Variants in ATP13A3 observed in about 807,000 individuals in gnomAD.
The protein encoded by ATP13A3 is polyamine-transporting ATPase 13A3.
Under a neutral mutation model 158.1 loss-of-function variants are expected in ATP13A3, and 59 were observed. The observed-to-expected ratio is 0.37, with a 90% confidence interval of 0.30 to 0.46. The LOEUF (loss-of-function observed/expected upper bound fraction) is 0.46. Among genes scored for constraint, ATP13A3 ranks in the 20% least tolerant of loss-of-function variants. ATP13A3 has a pLI of 1.00. For synonymous variants in ATP13A3, 491 were observed against 504.3 expected (o/e 0.97, Z 0.35); for missense variants, 1,166 against 1,525.2 (o/e 0.76, Z 3.92).
chr3:194,422,324 T>C (rs771810986), intron 30 of ATP13A3, among the ~76,000 whole-genome samples: 2 of 152,214 alleles, frequency 1.3e-5, no homozygotes, highest in Non-Finnish European at 2.9e-5. Context: ...CCTAGCATTA[T>C]AAGCAATGGC....
chr3:194,408,844 G>A (rs543118908), intron 33 of ATP13A3, among the ~76,000 whole-genome samples: 1 of 152,230 alleles, frequency 6.6e-6, no homozygotes, highest in South Asian at 2.1e-4. Flanking sequence ...CACTGGAAGA[G>A]AAAATAAAAG....
chr3:194,464,061 T>G (rs1719839774), intron 2 of ATP13A3, among the ~76,000 whole-genome samples: 1 of 152,152 alleles, frequency 6.6e-6, no homozygotes, highest in Admixed American at 6.5e-5. Flanking sequence ...CTCAGGAGGC[T>G]GAGGTGAGAG....
intron 9 of ATP13A3, 77 bp from the exon 10 acceptor site, chr3:194,453,855 AT>A (rs1719001523): frequency 3.7e-6 from 4 of 1,087,066 alleles, no homozygotes; most frequent in South Asian, 1.4e-5. Flanking sequence ...TGCTAAAAAA[AT>A]AAGTTAATTC....
intron 2 of ATP13A3, among the ~76,000 whole-genome samples, chr3:194,484,759 T>A (rs1287029253): frequency 6.6e-6 from 1 of 152,138 alleles, no homozygotes; most frequent in Non-Finnish European, 1.5e-5. Context: ...CTAAACTAAC[T>A]ATGTAAGTAT....
At chr3:194,471,864 T>A (rs1720321456) in intron 2 of ATP13A3, 1 of 152,140 alleles carries the variant, frequency 6.6e-6, no homozygotes, top group African/African-American at 2.4e-5. Flanking sequence ...TGACTAGCAA[T>A]TTGCAGTATC....
chr3:194,450,090 C>G (rs1364855199), intron 11 of ATP13A3, 55 bp downstream of exon 11: 10 of 1,565,346 alleles, frequency 6.4e-6, no homozygotes, highest in Non-Finnish European at 8.8e-6. Context: ...TACTCACTAA[C>G]TTAGTCATGA....
intron 33 of ATP13A3, 61 bp downstream of exon 33, chr3:194,412,138 A>G: frequency 2.3e-6 from 3 of 1,276,818 alleles, no homozygotes; most frequent in Non-Finnish European, 3.3e-6. Context: ...GAGAATACAG[A>G]GTACACAAGC....
chr3:194,465,352 A>T (rs1455868701), intron 2 of ATP13A3, among the ~76,000 whole-genome samples: 1 of 152,140 alleles, frequency 6.6e-6, no homozygotes, highest in African/African-American at 2.4e-5. Context: ...ACCCACTAAG[A>T]ACACGACTGA....
chr3:194,430,407 G>T, intron 24 of ATP13A3, 92 bp from the exon 25 acceptor site: 1 of 1,330,862 alleles, frequency 7.5e-7, no homozygotes, highest in African/African-American at 1.5e-5. Context: ...GTATTATAAA[G>T]AGCTAACACA....
In ATP13A3 at chr3:194,494,095, C is replaced by A. The variant is rs1316204934; in HGVS notation, n.701G>T. 3.3e-5 allele frequency: 13 copies of A among 398,378 alleles called. No individual in the cohort carries two copies. Among genetic ancestry groups the A allele is most frequent in the Non-Finnish European group, 8.8e-6 (2 of 226,044 alleles). 24.7% of individuals were successfully genotyped at this position (398,378 alleles called of 1,614,324 possible). Reference sequence around the variant, plus strand: ...CAAACCCAGACACTTTGCTCCAGGGCCAAACTCTTGACCACTATAACCAAA... The same window carrying A: ...CAAACCCAGACACTTTGCTCCAGGGACAAACTCTTGACCACTATAACCAAA... On this transcript the variant is annotated non_coding_transcript_exon_variant, in exon 2 of 33. Transcript: ENST00000687055. The surrounding 1 kb of genome is among the most constrained non-coding windows in gnomAD (Gnocchi z 4.2).
At chr3:194,407,531 T>C (rs1052076482) in intron 33 of ATP13A3, among the ~76,000 whole-genome samples, 4 of 152,142 alleles carry the variant, frequency 2.6e-5, no homozygotes, top group Non-Finnish European at 5.9e-5. Flanking sequence ...TACCACTCTC[T>C]CCCTCTCCTC....
At position 194,431,756 on chromosome 3, in the gene ATP13A3, G is replaced by A. The variant is rs1577048612; in HGVS notation, c.2382C>T (p.Ser794=). 9.9e-6 allele frequency: 16 copies of A among 1,610,862 alleles called. No homozygotes were observed. In the East Asian group the frequency reaches 3.4e-4, roughly 34 times the overall value. Residue 794 remains serine (S), a synonymous_variant, in exon 22 of 34, where the codon TCC becomes TCT. Transcript: ENST00000645319. The part of the protein sequence containing the change: ...VAKINWHYAD[S]LTQCSHPSAI... ...CTGATGGATGACTGCACTGCGTGAG[G>A]GAGTCTGCATAATGCCAATTTATTT...
chr3:194,406,114 C>A lies in ATP13A3; in HGVS notation c.3576G>T (p.Glu1192Asp). 2 of 1,613,596 alleles carry A rather than the reference C, an allele frequency of 1.2e-6. No individual in the cohort carries two copies. The highest frequency in any genetic ancestry group is 2.2e-5 in the South Asian group (2 of 90,992). The change falls in exon 34 of 34, where the codon GAG becomes GAT. Residue 1192 changes from glutamate (E) to aspartate (D), a missense_variant and splice_region_variant. Physicochemically the swap from Glu to Asp is conservative, Grantham distance 45. This residue lies in a region of ATP13A3 where 997 missense variants were observed against 1,341.2 expected (regional missense o/e 0.74). Coordinates refer to ENST00000645319, the MANE Select transcript of ATP13A3 (RefSeq NM_001367549.1). ...AGCATTTTCCCCACCGATCCACTGA[C>A]TCCTAAGAAAATAAGAAAAAAACAA... ...YRFSTTQPPQ[E>D]SVDRWGKCCL...
At position 194,494,222 on chromosome 3, in the gene ATP13A3, C is replaced by T. The variant is rs1721179531; in HGVS notation, n.574G>A. 5.0e-6 allele frequency: 2 copies of T among 398,538 alleles called. No homozygotes were observed. The highest frequency in any genetic ancestry group is 4.4e-6 in the Non-Finnish European group (1 of 226,096). The allele number at this position is 398,538 out of a possible 1,614,324, so 24.7% of individuals were successfully genotyped here. ...CCACCTCCTCATGAGCCAGGACCTT[C>T]CTCAGCCACATCTGGATCCTCAGCC... On this transcript the variant is annotated non_coding_transcript_exon_variant, in exon 2 of 33. Coordinates refer to the ATP13A3 transcript ENST00000687055. This position sits in a 1 kb window ranked among gnomAD's most constrained non-coding sequence, Gnocchi z 4.2.
chr3:194,410,325 A>AAAAAC (rs1715302799), intron 33 of ATP13A3, among the ~76,000 whole-genome samples: 8 of 146,648 alleles, frequency 5.5e-5, no homozygotes, highest in South Asian at 2.2e-4. Flanking sequence ...AAAAAAAAAA[A>AAAAAC]AAAAAACTGC....
chr3:194,486,618 G>T lies in ATP13A3; in HGVS notation c.-141C>A, dbSNP rs576253872. The stretch of plus-strand genomic sequence containing the variant: ...CCGCCTCCTCCGCGGCCTCCCTCGC[G>T]GCCGGACCAGCCCCAGGGACCGCGG... On this transcript the variant is annotated 5_prime_UTR_variant, in exon 1 of 34. Coordinates refer to ENST00000645319, the MANE Select transcript of ATP13A3 (RefSeq NM_001367549.1). The T allele has an allele frequency of 6.3e-3, 932 of 148,774 alleles. 2 individuals are homozygous for T. The highest frequency in any genetic ancestry group is 0.031 in the Middle Eastern group (9 of 292). The allele number at this position is 148,774 out of a possible 1,614,324, so 9.2% of individuals were successfully genotyped here.
chr3:194,424,756 T>C (rs1424631583), intron 30 of ATP13A3, among the ~76,000 whole-genome samples: 2 of 152,196 alleles, frequency 1.3e-5, no homozygotes, highest in Non-Finnish European at 2.9e-5. Context: ...TCTATTGCCA[T>C]AGACAAGTCC....
At chr3:194,446,536 G>A (rs932169314) in intron 14 of ATP13A3, among the ~76,000 whole-genome samples, 6 of 151,988 alleles carry the variant, frequency 3.9e-5, no homozygotes, top group African/African-American at 1.5e-4. Flanking sequence ...TACCTTACTT[G>A]TTTTTATTTC....
chr3:194,418,934 CCACT>C (rs1431226696), intron 31 of ATP13A3, among the ~76,000 whole-genome samples: 4 of 152,122 alleles, frequency 2.6e-5, no homozygotes, highest in Admixed American at 2.6e-4. Context: ...CAGCATCGCA[CCACT>C]CTCTCACTGC....
Sources: gnomAD v4.1 joint callset for allele counts (sites outside exome capture counted in the v4.1 genomes callset) on GRCh38, gnomAD v4.1.1 for gene constraint, gnomAD v4.1.1 regional missense constraint, Gnocchi (gnomAD v3.1) non-coding constraint, MANE v1.5 for transcripts, NCBI Gene and HGNC (gene_info 2026-07-23, HGNC 2026-07-21) for gene names.